The following NOTCH1 variants were observed in gnomAD, a reference collection of about 807,000 sequenced individuals.
NOTCH1 encodes notch receptor 1, also known as neurogenic locus notch homolog protein 1.
Under a neutral mutation model 254.8 loss-of-function variants are expected in NOTCH1, and 37 were observed. That is an observed-to-expected ratio of 0.15 (90% CI 0.11 to 0.19). The LOEUF (loss-of-function observed/expected upper bound fraction) is 0.19, where lower values mean the gene tolerates loss of function less well. Ranked by LOEUF, NOTCH1 falls within the 10% of genes least tolerant of loss-of-function variation. The probability of loss-of-function intolerance (pLI) is 1.00; values close to 1 mark genes in which losing one functional copy is unlikely to be tolerated. For missense variants in NOTCH1, 2,972 were observed against 3,708.6 expected (o/e 0.80, Z 5.16); for synonymous variants, 1,731 against 1,618.1 (o/e 1.07, Z -1.68).
Position 136,498,948 on chromosome 9 carries a change from G to A in NOTCH1, c.6131C>T (p.Ala2044Val), listed in dbSNP as rs1085307562. ...AGCCCCGTTCTTCAGGAGCACAACT[G>A]CGGCATCCACATTGTTCACGGCGGC... is the stretch of plus-strand genomic sequence containing the variant. ...WAAAVNNVDA[A>V]VVLLKNGANK... Residue 2044 changes from alanine (A) to valine (V), a missense_variant, in exon 33 of 34, where the codon GCA becomes GTA. Ala to Val is a moderately conservative substitution (Grantham distance 64, BLOSUM62 0). Around this residue, in one of 8 missense-constraint regions of NOTCH1, gnomAD observed 421 missense variants for 604.4 expected, o/e 0.70. Coordinates refer to ENST00000651671, the MANE Select transcript of NOTCH1 (RefSeq NM_017617.5). 2.5e-6 allele frequency: 4 copies of A among 1,613,658 alleles called. No individual in the cohort carries two copies. In the South Asian group the frequency reaches 4.4e-5, roughly 18 times the overall value.
chr9:136,505,876 G>A lies in NOTCH1; in HGVS notation c.4020C>T (p.Phe1340=), dbSNP rs1241964591. The change falls in exon 25 of 34, where the codon TTC becomes TTT. Residue 1340 remains phenylalanine, a synonymous_variant. Transcript: ENST00000651671. ...CGTCATTCTCACACGTGGCGCCCTC[G>A]AAGCCCTGCCCGAGAGGGAAGACAG... is the stretch of plus-strand genomic sequence containing the variant. The part of the protein sequence containing the change: ...RGFICKCPAG[F]EGATCENDAR... The A allele has an allele frequency of 5.7e-6, 9 of 1,588,644 alleles. No individual in the cohort carries two copies. The highest frequency in any genetic ancestry group is 3.4e-5 in the Admixed American group (2 of 58,602).
In NOTCH1 at chr9:136,545,851, A is replaced by C. The variant is rs2133408816; in HGVS notation, c.-65T>G. 1.1e-6 allele frequency: 1 copy of C among 887,576 alleles called. No individual in the cohort carries two copies. The highest frequency in any genetic ancestry group is 1.4e-6 in the Non-Finnish European group (1 of 696,156). The allele number at this position is 887,576 out of a possible 1,614,324, so 55.0% of individuals were successfully genotyped here. On this transcript the variant is annotated 5_prime_UTR_variant, in exon 1 of 34. Transcript: ENST00000651671. The surrounding 1 kb of genome is among the most constrained non-coding windows in gnomAD (Gnocchi z 6.8). Reference sequence around the variant, plus strand: ...TCCTGCGCTGGCCGGCGGGGCTGGGACGCACACGCGCGGCGTACGGTCCCG... The same window carrying C: ...TCCTGCGCTGGCCGGCGGGGCTGGGCCGCACACGCGCGGCGTACGGTCCCG...
intron 2 of NOTCH1, among the ~76,000 whole-genome samples, chr9:136,526,441 T>C (rs1843461550): frequency 6.6e-6 from 1 of 152,194 alleles, no homozygotes; most frequent in South Asian, 2.1e-4. Flanking sequence ...GCCTGGCCCA[T>C]GCAAGCTGGT....
At position 136,504,753 on chromosome 9, in the gene NOTCH1, G is replaced by A; in HGVS notation, c.4938C>T (p.Gly1646=). The A allele has an allele frequency of 6.5e-7, 1 of 1,548,158 alleles. No individual in the cohort carries two copies. The highest frequency in any genetic ancestry group is 2.4e-5 in the East Asian group (1 of 41,066). Residue 1646 remains glycine (G), a synonymous_variant, in exon 26 of 34, where the codon GGC becomes GGT. Transcript: ENST00000651671. ...CAGGGAGCAGCGAGGCCTTCACCTG[G>A]CCCAGCAGGGCGTCAGGTGCGGCCC... ...EGWAAPDALL[G]QVKASLLPGG...
At chr9:136,504,538 G>T in intron 26 of NOTCH1, 135 bp downstream of exon 26, 1 of 1,024,304 alleles carries the variant, frequency 9.8e-7, no homozygotes, top group Non-Finnish European at 1.4e-6. Context: ...AGGTCCTCTC[G>T]GAACCTCCGT....
intron 9 of NOTCH1, among the ~76,000 whole-genome samples, chr9:136,516,790 G>A (rs552343261): frequency 1.3e-5 from 2 of 152,284 alleles, no homozygotes; most frequent in South Asian, 4.1e-4. Flanking sequence ...CGCGACCCCT[G>A]GGCAAGCTCC....
chr9:136,506,793 G>A lies in NOTCH1; in HGVS notation c.3824C>T (p.Pro1275Leu), dbSNP rs2133343489. Residue 1275 changes from proline (P) to leucine (L), a missense_variant, in exon 23 of 34, where the codon CCC becomes CTC. Coordinates refer to ENST00000651671, the MANE Select transcript of NOTCH1 (RefSeq NM_017617.5). The surrounding 1 kb of genome is among the most constrained non-coding windows in gnomAD (Gnocchi z 4.5). ...GTTCTGGGTGCCACGGGCGTCGCAG[G>A]GATTGGACAGGCACTCGTTGACATC... ...EGDVNECLSNPCDARGTQNCV... is the reference protein window; with the variant it reads ...EGDVNECLSNLCDARGTQNCV... 1 of 1,611,566 alleles carries A rather than the reference G, an allele frequency of 6.2e-7. No homozygotes were observed.
intron 2 of NOTCH1, among the ~76,000 whole-genome samples, chr9:136,527,990 C>T (rs1007353990): frequency 6.6e-6 from 1 of 152,132 alleles, no homozygotes; most frequent in Non-Finnish European, 1.5e-5. Context: ...CAGAAAGCAG[C>T]AGGAGGCAGA....
chr9:136,519,140 G>A (rs936030111), intron 5 of NOTCH1, among the ~76,000 whole-genome samples: 6 of 152,254 alleles, frequency 3.9e-5, no homozygotes, highest in South Asian at 2.1e-4. Flanking sequence ...TGGCCTGAGT[G>A]GGGTGCTGAA....
At chr9:136,498,029 T>C (rs1460578311) in intron 33 of NOTCH1, among the ~76,000 whole-genome samples, 1 of 152,046 alleles carries the variant, frequency 6.6e-6, no homozygotes, top group African/African-American at 2.4e-5. Flanking sequence ...GGTGGACACG[T>C]CACAGGTCTG....
intron 17 of NOTCH1, among the ~76,000 whole-genome samples, chr9:136,510,197 C>T (rs999123319): frequency 1.2e-4 from 19 of 152,226 alleles, no homozygotes; most frequent in African/African-American, 4.6e-4. Flanking sequence ...AGCTCCAGGG[C>T]AGGGGGCAGC....
Position 136,495,066 on chromosome 9 carries a change from G to A in NOTCH1, c.*1005C>T. 1 of 399,102 alleles carries A rather than the reference G, an allele frequency of 2.5e-6. No homozygotes were observed. The highest frequency in any genetic ancestry group is 3.5e-5 in the East Asian group (1 of 28,204). 24.7% of individuals were successfully genotyped at this position (399,102 alleles called of 1,614,324 possible). A position where few individuals can be genotyped will look rare whatever the true frequency, so the allele number is the denominator to read the frequency against. ...CGGGGGGTCGGGTCCCGCGAGCTGG[G>A]GCCCAGGCTGTGTTGCTGGAGCATC... is the stretch of plus-strand genomic sequence containing the variant. On this transcript the variant is annotated 3_prime_UTR_variant, in exon 34 of 34. Coordinates refer to ENST00000651671, the MANE Select transcript of NOTCH1 (RefSeq NM_017617.5).
Position 136,504,785 on chromosome 9 carries a change from C to T in NOTCH1, c.4906G>A (p.Glu1636Lys), listed in dbSNP as rs764006572. Residue 1636 changes from glutamate (E) to lysine (K), a missense_variant, in exon 26 of 34, where the codon GAG (glutamate) becomes AAG (lysine). Physicochemically the swap from Glu to Lys is moderately conservative, Grantham distance 56. Coordinates refer to ENST00000651671, the MANE Select transcript of NOTCH1 (RefSeq NM_017617.5). Reference protein sequence around the residue: ...LRKHPIKRAAEGWAAPDALLG... With the variant: ...LRKHPIKRAAKGWAAPDALLG... ...AGGGCGTCAGGTGCGGCCCAGCCCT[C>T]GGCGGCACGCTTGATGGGGTGCTTG... 29 of 1,554,074 alleles carry T rather than the reference C, an allele frequency of 1.9e-5. No individual in the cohort carries two copies. The highest frequency in any genetic ancestry group is 5.8e-5 in the Admixed American group (3 of 51,372).
At position 136,509,890 on chromosome 9, in the gene NOTCH1, G is replaced by A. The variant is rs554142958; in HGVS notation, c.2812C>T (p.Arg938Trp). 127 of 1,613,218 alleles carry A rather than the reference G, an allele frequency of 7.9e-5. 3 individuals carry two copies. In the South Asian group the frequency reaches 1.0e-3, roughly 13 times the overall value. ...TAFCDCLPGF[R>W]GTFCEEDINE... ...ATGTCCTCCTCACAGAAAGTGCCCCGGAAGCCGGGCAGGCAGTCGCAGAAG... is the reference window on the plus strand; with the variant it reads ...ATGTCCTCCTCACAGAAAGTGCCCCAGAAGCCGGGCAGGCAGTCGCAGAAG... The change falls in exon 18 of 34, where the codon CGG becomes TGG. Residue 938 changes from arginine (R) to tryptophan (W), a missense_variant. Around this residue, in one of 8 missense-constraint regions of NOTCH1, gnomAD observed 1,343 missense variants for 1,557.0 expected, o/e 0.86. Coordinates refer to ENST00000651671, the MANE Select transcript of NOTCH1 (RefSeq NM_017617.5).
Position 136,522,901 on chromosome 9 carries a change from C to A in NOTCH1, c.691G>T (p.Gly231Cys). ...ACGTCGCCCGTGGGGCGGCAGGTGC[C>A]CCCGTTCTGGCAGGGCGAGGGGCTG... is the stretch of plus-strand genomic sequence containing the variant. The part of the protein sequence containing the change: ...PCSPSPCQNG[G>C]TCRPTGDVTH... Residue 231 changes from glycine to cysteine, a missense_variant, in exon 4 of 34, where the codon GGC becomes TGC. By Grantham distance (159) the Gly-to-Cys change is radical (BLOSUM62 -3). This residue lies in a region of NOTCH1 where 374 missense variants were observed against 496.3 expected (regional missense o/e 0.75). Transcript: ENST00000651671. The A allele has an allele frequency of 6.5e-7, 1 of 1,540,716 alleles. No homozygotes were observed. The highest frequency in any genetic ancestry group is 8.8e-7 in the Non-Finnish European group (1 of 1,141,494).
rs376603720 is a variant in NOTCH1 at position 136,518,299 on chromosome 9, A to G, written c.1100-7T>C. 46 of 1,608,566 alleles carry G rather than the reference A, an allele frequency of 2.9e-5. No individual in the cohort carries two copies. The highest frequency in any genetic ancestry group is 3.7e-5 in the Non-Finnish European group (44 of 1,178,678). On this transcript the variant is annotated splice_region_variant and splice_polypyrimidine_tract_variant and intron_variant, in intron 6 of 33. Transcript: ENST00000651671. ...TTGAGGTGGCACAGCAGACCTGGGC[A>G]GGCAGCGGCGGTCAGTGGGCACGGC...
chr9:136,509,047 G>A lies in NOTCH1; in HGVS notation c.2994C>T (p.Cys998=), dbSNP rs1212022354. The change falls in exon 19 of 34, where the codon TGC becomes TGT. Residue 998 remains cysteine, a synonymous_variant. Coordinates refer to ENST00000651671, the MANE Select transcript of NOTCH1 (RefSeq NM_017617.5). ...AGGTGAACGAGTTGATGCCGTCCAC[G>A]CAGGTGCCACCGTTGAAGCAGGAGC... is the stretch of plus-strand genomic sequence containing the variant. The part of the protein sequence containing the change: ...TESSCFNGGT[C]VDGINSFTCL... 1.5e-5 allele frequency: 24 copies of A among 1,559,976 alleles called. No homozygotes were observed. Among genetic ancestry groups the A allele is most frequent in the Non-Finnish European group, 1.9e-5 (22 of 1,153,010 alleles).
In NOTCH1 at chr9:136,507,878, G is replaced by T. The variant is rs1471358533; in HGVS notation, c.3510+77C>A. 2.0e-6 allele frequency: 3 copies of T among 1,484,964 alleles called. No individual in the cohort carries two copies. The African/African-American group carries it at 4.1e-5, about 20-fold the overall frequency. The allele number at this position is 1,484,964 out of a possible 1,614,324, so 92.0% of individuals were successfully genotyped here. A position where few individuals can be genotyped will look rare whatever the true frequency, so the allele number is the denominator to read the frequency against. ...CTATCAGGTTCAGTTTTCTCCACTG[G>T]GCCAGCTCCCAGCCAGGGCCTGGTG... On this transcript the variant is annotated intron_variant, in intron 21 of 33. Transcript: ENST00000651671.
rs936227030 is a variant in NOTCH1, at chr9:136,504,659, C to T, written c.5018+14G>A. 2.0e-4 allele frequency: 292 copies of T among 1,496,310 alleles called. No individual in the cohort carries two copies. The highest frequency in any genetic ancestry group is 2.5e-4 in the Non-Finnish European group (276 of 1,120,226). The allele number at this position is 1,496,310 out of a possible 1,614,324, so 92.7% of individuals were successfully genotyped here. ...AGTTGCGGGGATTGACCGTGGGCGC[C>T]GGGTCTCACTCACCCGCGGACGTCC... On this transcript the variant is annotated intron_variant, in intron 26 of 33. Coordinates refer to ENST00000651671, the MANE Select transcript of NOTCH1 (RefSeq NM_017617.5).
Sources: gnomAD v4.1 joint callset for allele counts (sites outside exome capture counted in the v4.1 genomes callset) on GRCh38, gnomAD v4.1.1 for gene constraint, gnomAD v4.1.1 regional missense constraint, Gnocchi (gnomAD v3.1) non-coding constraint, MANE v1.5 for transcripts, NCBI Gene and HGNC (gene_info 2026-07-23, HGNC 2026-07-21) for gene names.